FRMD5: variants seen among roughly 807,000 people sequenced by gnomAD.
FRMD5 encodes FERM domain containing 5, also known as FERM domain-containing protein 5.
Under a neutral mutation model 69.0 loss-of-function variants are expected in FRMD5, and 20 were observed. That is an observed-to-expected ratio of 0.29 (90% CI 0.20 to 0.42). The LOEUF (loss-of-function observed/expected upper bound fraction) is 0.42. FRMD5 is among the 10% of genes least tolerant of loss of function. FRMD5 has a pLI of 1.00. For missense variants in FRMD5, 595 were observed against 708.6 expected, an observed-to-expected ratio of 0.84 and a Z score of 1.82; for synonymous variants, 271 against 260.1, an observed-to-expected ratio of 1.04 and a Z score of -0.40.
chr15:44,058,522 TCTTTTTAA>T (rs1427645976), intron 1 of FRMD5, among the ~76,000 whole-genome samples: 1 of 152,144 alleles, frequency 6.6e-6, no homozygotes, highest in African/African-American at 2.4e-5. Flanking sequence ...TCAGTAAAGC[TCTTTTTAA>T]AAGTAATGGG....
rs963365982 is a variant in FRMD5 at position 44,166,284 on chromosome 15, T to C, written c.102+28669A>G. Among the ~76,000 whole-genome samples, 3 of 152,194 alleles carry C rather than the reference T, an allele frequency of 2.0e-5. No homozygotes were observed. The South Asian group carries it at 6.2e-4, about 32-fold the overall frequency. ...GAGCTAGAGTTCTTTTTAGTGTTTATATAATGGATGATGATGATGGTGGTG... is the reference window on the plus strand; with the variant it reads ...GAGCTAGAGTTCTTTTTAGTGTTTACATAATGGATGATGATGATGGTGGTG... On this transcript the variant is annotated intron_variant, in intron 1 of 13. Transcript: ENST00000417257.
rs534582010 is a variant in FRMD5 at position 43,872,965 on chromosome 15, C to G, written c.*920G>C. On this transcript the variant is annotated 3_prime_UTR_variant, in exon 14 of 14. Coordinates refer to ENST00000417257, the MANE Select transcript of FRMD5 (RefSeq NM_032892.5). ...CAAATCTCAACAGTCTCTCAGGTAA[C>G]TTAACTCTGCTTTCTCTTAACTACA... 22 of 536,902 alleles carry G rather than the reference C, an allele frequency of 4.1e-5. No homozygotes were observed. The highest frequency in any genetic ancestry group is 3.4e-4 in the African/African-American group (18 of 53,070). 33.3% of individuals were successfully genotyped at this position (536,902 alleles called of 1,614,324 possible).
chr15:44,005,873 A>G (rs1005579947), intron 1 of FRMD5, among the ~76,000 whole-genome samples: 5 of 152,186 alleles, frequency 3.3e-5, no homozygotes, highest in Non-Finnish European at 7.3e-5. Flanking sequence ...CACACATTCA[A>G]ACCATATCAC....
At chr15:44,076,796 A>G (rs1405967488) in intron 1 of FRMD5, among the ~76,000 whole-genome samples, 1 of 152,040 alleles carries the variant, frequency 6.6e-6, no homozygotes, top group African/African-American at 2.4e-5. Context: ...AAGAAAAAAA[A>G]AAAGCTCTAT....
At chr15:43,897,487 CAAAAAAAAAA>C (rs34243475) in intron 7 of FRMD5, among the ~76,000 whole-genome samples, 18 of 16,138 alleles carry the variant, frequency 1.1e-3, no homozygotes, top group East Asian at 2.5e-3. Context: ...CACTCCATCT[CAAAAAAAAAA>C]AAAAAAAAAA....
At chr15:43,973,847 T>C (rs2090425230) in intron 1 of FRMD5, among the ~76,000 whole-genome samples, 1 of 150,586 alleles carries the variant, frequency 6.6e-6, no homozygotes, top group African/African-American at 2.5e-5. Context: ...TGCGGATATC[T>C]AGAATGCCAT....
At chr15:44,186,167 T>A (rs2078097790) in intron 1 of FRMD5, among the ~76,000 whole-genome samples, 1 of 152,158 alleles carries the variant, frequency 6.6e-6, no homozygotes, top group African/African-American at 2.4e-5. Flanking sequence ...CCTCAGGGGA[T>A]CCACCCACCT....
intron 1 of FRMD5, among the ~76,000 whole-genome samples, chr15:44,003,155 A>G (rs1202993837): frequency 6.6e-6 from 1 of 152,146 alleles, no homozygotes; most frequent in African/African-American, 2.4e-5. Context: ...CATACTACAC[A>G]TCTATCTAAT....
At chr15:44,122,408 C>CA (rs1476246270) in intron 1 of FRMD5, among the ~76,000 whole-genome samples, 5 of 151,216 alleles carry the variant, frequency 3.3e-5, no homozygotes, top group South Asian at 2.1e-4. Flanking sequence ...ACGAAAAATA[C>CA]AAAAAAAATC....
intron 1 of FRMD5, among the ~76,000 whole-genome samples, chr15:44,099,238 C>T (rs941567309): frequency 1.3e-5 from 2 of 152,144 alleles, no homozygotes; most frequent in African/African-American, 2.4e-5. Flanking sequence ...ACCAATGCTC[C>T]TCAAACTTTA....
intron 1 of FRMD5, among the ~76,000 whole-genome samples, chr15:43,931,438 A>G (rs1184825089): frequency 6.6e-6 from 1 of 151,918 alleles, no homozygotes; most frequent in Non-Finnish European, 1.5e-5. Context: ...CACTCCCAAC[A>G]CACACACACA....
chr15:43,914,722 C>A, intron 4 of FRMD5, among the ~76,000 whole-genome samples: 1 of 110,816 alleles, frequency 9.0e-6, no homozygotes, highest in African/African-American at 6.9e-5. Flanking sequence ...GAGGTGACTA[C>A]CTTTTTTTTT....
At chr15:44,135,034 G>A (rs2077161384) in intron 1 of FRMD5, among the ~76,000 whole-genome samples, 1 of 152,178 alleles carries the variant, frequency 6.6e-6, no homozygotes, top group Non-Finnish European at 1.5e-5. Context: ...AGACTATTGA[G>A]GGATAAGCAT....
At chr15:44,110,908 T>C (rs1377686077) in intron 1 of FRMD5, among the ~76,000 whole-genome samples, 1 of 152,220 alleles carries the variant, frequency 6.6e-6, no homozygotes. Flanking sequence ...CTATCACTAA[T>C]AGCTGATTAA....
chr15:44,086,445 G>A (rs1379646694), intron 1 of FRMD5, among the ~76,000 whole-genome samples: 1 of 152,186 alleles, frequency 6.6e-6, no homozygotes, highest in Non-Finnish European at 1.5e-5. Context: ...AGTATGTTAA[G>A]TGAAAGATGC....
chr15:43,960,967 A>G (rs1179697147), intron 1 of FRMD5, among the ~76,000 whole-genome samples: 6 of 152,242 alleles, frequency 3.9e-5, no homozygotes, highest in Admixed American at 2.6e-4. Flanking sequence ...TCTAAAATTG[A>G]CACCCTAACA....
At chr15:43,904,774 T>C (rs1389396233) in intron 6 of FRMD5, among the ~76,000 whole-genome samples, 2 of 152,202 alleles carry the variant, frequency 1.3e-5, no homozygotes, top group Non-Finnish European at 2.9e-5. Flanking sequence ...TGTTGCTTTT[T>C]AAAATCAGGC....
chr15:43,964,577 T>C (rs1009188841), intron 1 of FRMD5, among the ~76,000 whole-genome samples: 2 of 152,174 alleles, frequency 1.3e-5, no homozygotes, highest in Admixed American at 6.5e-5. Context: ...AAGGCTTTTT[T>C]TTAATTTTGG....
At chr15:44,014,914 T>G (rs1470138889) in intron 1 of FRMD5, among the ~76,000 whole-genome samples, 1 of 152,204 alleles carries the variant, frequency 6.6e-6, no homozygotes, top group African/African-American at 2.4e-5. Context: ...TAGTTAACTT[T>G]TAAAACTATA....
Sources: gnomAD v4.1 joint callset for allele counts (sites outside exome capture counted in the v4.1 genomes callset) on GRCh38, gnomAD v4.1.1 for gene constraint, MANE v1.5 for transcripts, NCBI Gene and HGNC (gene_info 2026-07-23, HGNC 2026-07-21) for gene names.